Variants in SEMA3D observed in about 807,000 individuals in gnomAD.
The protein encoded by SEMA3D is semaphorin-3D.
A neutral mutation model predicts 100.1 loss-of-function variants in SEMA3D; 84 were observed. The ratio of observed to expected loss-of-function variants is 0.84; its 90% CI spans 0.70 to 1.01. The LOEUF is 1.01. SEMA3D is among the 50% of genes least tolerant of loss of function. The pLI is 0.00. For missense variants in SEMA3D, 875 were observed against 934.1 expected, an observed-to-expected ratio of 0.94 and a Z score of 0.82; for synonymous variants, 312 against 320.7, an observed-to-expected ratio of 0.97 and a Z score of 0.29.
chr7:85,030,461 A>G (rs1475427892), intron 12 of SEMA3D, among the ~76,000 whole-genome samples: 2 of 151,976 alleles, frequency 1.3e-5, no homozygotes, highest in African/African-American at 4.8e-5. Flanking sequence ...CGCGGTAACA[A>G]TTTGGGAGCA....
chr7:85,204,846 A>C, the SEMA3D span, among the ~76,000 whole-genome samples: 2 of 152,014 alleles, frequency 1.3e-5, no homozygotes, highest in Admixed American at 6.6e-5. Flanking sequence ...CCAACACACC[A>C]TTACAGTTTT....
chr7:85,144,856 A>T (rs1360614566), intron 2 of SEMA3D, among the ~76,000 whole-genome samples: 1 of 152,276 alleles, frequency 6.6e-6, no homozygotes, highest in African/African-American at 2.4e-5. Context: ...AATTGTCATC[A>T]TAAATTAATC....
chr7:85,237,311 T>C, the SEMA3D span, among the ~76,000 whole-genome samples: 1 of 152,304 alleles, frequency 6.6e-6, no homozygotes, highest in South Asian at 2.1e-4. Flanking sequence ...AGCCCATAGT[T>C]TACATTAGGA....
chr7:85,091,837 G>A (rs958442529), intron 4 of SEMA3D, among the ~76,000 whole-genome samples: 16 of 152,106 alleles, frequency 1.1e-4, no homozygotes, highest in Admixed American at 5.9e-4. Context: ...CCACCTTTCC[G>A]AAGGACTATT....
the SEMA3D span, among the ~76,000 whole-genome samples, chr7:85,248,088 A>AG: frequency 6.6e-6 from 1 of 152,112 alleles, no homozygotes; most frequent in Non-Finnish European, 1.5e-5. Context: ...GACATATGAG[A>AG]TACAGGACTG....
Position 84,997,496 on chromosome 7 carries a change from T to C in SEMA3D, c.*1944A>G, listed in dbSNP as rs1292927904. Reference sequence around the variant, plus strand: ...AGTGATTTGTTCTGGTTCACTTTTATTAAAATTATTCCTTAGCTGTTCCTT... The same window carrying C: ...AGTGATTTGTTCTGGTTCACTTTTACTAAAATTATTCCTTAGCTGTTCCTT... On this transcript the variant is annotated 3_prime_UTR_variant, in exon 19 of 19. Coordinates refer to ENST00000284136, the MANE Select transcript of SEMA3D (RefSeq NM_001384900.1). The C allele has an allele frequency of 1.3e-5, 2 of 152,156 alleles. No individual in the cohort carries two copies. The highest frequency in any genetic ancestry group is 2.9e-5 in the Non-Finnish European group (2 of 67,992). 9.4% of individuals were successfully genotyped at this position (152,156 alleles called of 1,614,324 possible). A position where few individuals can be genotyped will look rare whatever the true frequency, so the allele number is the denominator to read the frequency against.
chr7:85,015,133 G>A lies in SEMA3D; in HGVS notation c.1629C>T (p.Asp543=). ...AGTAGGGGTCTCTGGCAAGACAACA[G>A]TCTGCGCAAGCTTTCCCATAAGTGT... is the stretch of plus-strand genomic sequence containing the variant. The part of the protein sequence containing the change: ...RCDTYGKACA[D]CCLARDPYCA... The change falls in exon 16 of 19, where the codon GAC becomes GAT. Residue 543 remains aspartate, a synonymous_variant. Transcript: ENST00000284136. The A allele has an allele frequency of 1.2e-6, 2 of 1,611,756 alleles. No individual in the cohort carries two copies. Among genetic ancestry groups the A allele is most frequent in the Non-Finnish European group, 1.7e-6 (2 of 1,178,448 alleles).
chr7:85,032,275 T>A (rs1207754860), intron 12 of SEMA3D, among the ~76,000 whole-genome samples: 3 of 152,012 alleles, frequency 2.0e-5, no homozygotes, highest in African/African-American at 7.2e-5. Flanking sequence ...TGTATTTGTA[T>A]AACAGATTTT....
intron 2 of SEMA3D, among the ~76,000 whole-genome samples, chr7:85,123,536 A>T (rs1789487099): frequency 6.6e-6 from 1 of 152,138 alleles, no homozygotes; most frequent in Admixed American, 6.6e-5. Flanking sequence ...GATTTCAGTT[A>T]CCTTAAATCT....
the SEMA3D span, among the ~76,000 whole-genome samples, chr7:85,238,622 G>A: frequency 1.3e-5 from 2 of 152,156 alleles, no homozygotes; most frequent in East Asian, 3.9e-4. Flanking sequence ...TGGAAGTCAA[G>A]TAGTGTCAAT....
At chr7:85,172,382 A>G (rs1482320938) in intron 1 of SEMA3D, among the ~76,000 whole-genome samples, 1 of 152,006 alleles carries the variant, frequency 6.6e-6, no homozygotes, top group East Asian at 1.9e-4. Flanking sequence ...TTTCTCATAA[A>G]ATAATCAGAA....
chr7:85,082,151 T>C (rs988656793), intron 4 of SEMA3D, among the ~76,000 whole-genome samples: 3 of 152,198 alleles, frequency 2.0e-5, no homozygotes, highest in Admixed American at 2.0e-4. Flanking sequence ...TACTTATTCT[T>C]CCCATTTTGA....
intron 3 of SEMA3D, among the ~76,000 whole-genome samples, chr7:85,109,798 G>T (rs1419690991): frequency 6.6e-6 from 1 of 151,736 alleles, no homozygotes; most frequent in African/African-American, 2.4e-5. Flanking sequence ...CTTTAATAAG[G>T]CTCAAGAAAT....
the SEMA3D span, among the ~76,000 whole-genome samples, chr7:85,226,915 G>A: frequency 5.3e-5 from 8 of 152,116 alleles, no homozygotes; most frequent in Non-Finnish European, 1.0e-4. Context: ...TACATCAGTG[G>A]ATAACTGATG....
At chr7:85,141,773 A>C (rs1194462144) in intron 2 of SEMA3D, 2 of 804,114 alleles carry the variant, frequency 2.5e-6, no homozygotes, top group Non-Finnish European at 3.0e-6. Flanking sequence ...GTTTTTGCCA[A>C]GTCTCATAAA....
intron 12 of SEMA3D, among the ~76,000 whole-genome samples, chr7:85,030,825 G>A (rs970460039): frequency 6.6e-6 from 1 of 151,916 alleles, no homozygotes; most frequent in African/African-American, 2.4e-5. Flanking sequence ...GTTATTTTGG[G>A]CTGGATTCAA....
At chr7:85,135,181 CTA>C (rs1478338311) in intron 2 of SEMA3D, among the ~76,000 whole-genome samples, 1 of 151,946 alleles carries the variant, frequency 6.6e-6, no homozygotes, top group Non-Finnish European at 1.5e-5. Context: ...GGCAACTTTG[CTA>C]TGTTTTTGCA....
At chr7:85,028,953 C>A in intron 12 of SEMA3D, 1 of 288,290 alleles carries the variant, frequency 3.5e-6, no homozygotes. Flanking sequence ...TGCAGCTGTC[C>A]AGGCAGCCGT....
At chr7:85,201,302 T>C in the SEMA3D span, among the ~76,000 whole-genome samples, 1 of 152,190 alleles carries the variant, frequency 6.6e-6, no homozygotes, top group African/African-American at 2.4e-5. Context: ...TTTGATCGCC[T>C]ACACTTTTAA....
Sources: gnomAD v4.1 joint callset for allele counts (sites outside exome capture counted in the v4.1 genomes callset) on GRCh38, gnomAD v4.1.1 for gene constraint, MANE v1.5 for transcripts, NCBI Gene and HGNC (gene_info 2026-07-23, HGNC 2026-07-21) for gene names.